The following ANK2 variants were observed in gnomAD, a reference collection of about 807,000 sequenced individuals.
ANK2 encodes the protein ankyrin 2, also known as ankyrin-2.
Under a neutral mutation model 360.5 loss-of-function variants are expected in ANK2, and 83 were observed. That is an observed-to-expected ratio of 0.23 (90% CI 0.19 to 0.28). The LOEUF is 0.28. Among genes scored for constraint, ANK2 ranks in the 10% least tolerant of loss-of-function variants. The pLI, the probability that ANK2 is intolerant of heterozygous loss-of-function variation, is 1.00. For synonymous variants in ANK2, 1,740 were observed against 1,759.5 expected, an observed-to-expected ratio of 0.99 and a Z score of 0.28; for missense variants, 4,201 against 4,795.7, an observed-to-expected ratio of 0.88 and a Z score of 3.66.
At chr4:112,869,086 GGCA>G (rs1424718429) in intron 1 of ANK2, among the ~76,000 whole-genome samples, 1 of 151,720 alleles carries the variant, frequency 6.6e-6, no homozygotes. Flanking sequence ...TAGTTCCCTG[GGCA>G]GCTGGAACTA....
intron 2 of ANK2, among the ~76,000 whole-genome samples, chr4:113,182,030 A>G (rs2098426598): frequency 6.6e-6 from 1 of 152,188 alleles, no homozygotes; most frequent in African/African-American, 2.4e-5. Flanking sequence ...CTTTTGTGAT[A>G]CTTTAGGTGA....
intron 1 of ANK2, among the ~76,000 whole-genome samples, chr4:113,114,666 C>T (rs903342383): frequency 6.6e-6 from 1 of 152,056 alleles, no homozygotes; most frequent in Admixed American, 6.6e-5. Flanking sequence ...TTTGATTTTA[C>T]AAGAGAGTCT....
chr4:113,365,053 G>T lies in ANK2; in HGVS notation c.10903G>T (p.Glu3635Ter), dbSNP rs763711118. 6.2e-7 allele frequency: 1 copy of T among 1,613,832 alleles called. No homozygotes were observed. Among genetic ancestry groups the T allele is most frequent in the Non-Finnish European group, 8.5e-7 (1 of 1,179,820 alleles). ...TAATGTGTCAGATACCAACCTCGTTGAATGTCTCACCAAGATCAACCGAAT... is the reference window on the plus strand; with the variant it reads ...TAATGTGTCAGATACCAACCTCGTTTAATGTCTCACCAAGATCAACCGAAT... ...GKHATDTNLV[E>*]CLTKINRMDI... Residue 3635 changes from glutamate to a stop codon, truncating the protein, a stop_gained, in exon 41 of 46, where the codon GAA (glutamate) becomes TAA (stop). Transcript: ENST00000357077. LOFTEE classifies it high-confidence loss of function.
At chr4:112,839,111 C>G (rs1223745784) in intron 1 of ANK2, among the ~76,000 whole-genome samples, 1 of 152,170 alleles carries the variant, frequency 6.6e-6, no homozygotes, top group Non-Finnish European at 1.5e-5. Flanking sequence ...ATTTTGCACC[C>G]CTCGTTTGGT....
intron 1 of ANK2, among the ~76,000 whole-genome samples, chr4:112,825,532 GATAATACTACCA>G (rs1407172205): frequency 2.0e-5 from 3 of 152,080 alleles, no homozygotes; most frequent in African/African-American, 4.8e-5. Context: ...CACAAGTAAT[GATAATACTACCA>G]ATAATACTAC....
At chr4:113,285,701 A>C (rs944552616) in intron 18 of ANK2, among the ~76,000 whole-genome samples, 5 of 152,092 alleles carry the variant, frequency 3.3e-5, no homozygotes, top group Admixed American at 2.0e-4. Context: ...AAGCTTCATG[A>C]TGTCAGCATT....
chr4:113,367,411 A>C (rs1339551377), intron 41 of ANK2, among the ~76,000 whole-genome samples, 155 bp from the exon 42 acceptor site: 3 of 152,112 alleles, frequency 2.0e-5, no homozygotes, highest in African/African-American at 7.2e-5. Context: ...GAAGGTGGAC[A>C]CAGTGTCTTC....
Position 113,156,371 on chromosome 4 carries a change from C to CTTTTTT in ANK2, c.85-18040_85-18035dup, listed in dbSNP as rs150536846. Reference sequence around the variant, plus strand: ...CGTATAGAGTATATGTAGAAAAATTCTTTTTTTTTTGTTTTTGAGACAGAG... The same window carrying CTTTTTT: ...CGTATAGAGTATATGTAGAAAAATTCTTTTTTTTTTTTTTTTGTTTTTGAGACAGAG... On this transcript the variant is annotated intron_variant, in intron 1 of 45. Transcript: ENST00000357077. 1.0e-4 allele frequency among the ~76,000 whole-genome samples: 13 copies of CTTTTTT among 128,504 alleles called. 1 individual carries two copies. Among genetic ancestry groups the CTTTTTT allele is most frequent in the South Asian group, 4.6e-4 (2 of 4,374 alleles). The allele number at this position is 128,504 out of a possible 152,430, so 84.3% of individuals were successfully genotyped here.
At chr4:113,067,233 A>C (rs952785583) in intron 1 of ANK2, among the ~76,000 whole-genome samples, 16 of 152,134 alleles carry the variant, frequency 1.1e-4, no homozygotes, top group Non-Finnish European at 1.5e-4. Flanking sequence ...ATGATATGGA[A>C]ATGAACTAAG....
At chr4:113,342,746 A>G (rs1050597798) in intron 33 of ANK2, among the ~76,000 whole-genome samples, 1 of 152,188 alleles carries the variant, frequency 6.6e-6, no homozygotes, top group African/African-American at 2.4e-5. Context: ...TTTAGGATTT[A>G]AATGTATTTT....
intron 2 of ANK2, among the ~76,000 whole-genome samples, chr4:113,189,589 T>C (rs2098616357): frequency 6.6e-6 from 1 of 152,254 alleles, no homozygotes; most frequent in East Asian, 1.9e-4. Context: ...CCGAGTTTAG[T>C]ATTTTGTTCA....
At chr4:113,085,226 C>T (rs1343405280) in intron 1 of ANK2, among the ~76,000 whole-genome samples, 3 of 152,196 alleles carry the variant, frequency 2.0e-5, no homozygotes, top group African/African-American at 7.2e-5. Flanking sequence ...TTTGCTGATA[C>T]AGACATATTT....
intron 1 of ANK2, among the ~76,000 whole-genome samples, chr4:113,168,419 C>G (rs1329714163): frequency 6.6e-6 from 1 of 152,150 alleles, no homozygotes; most frequent in African/African-American, 2.4e-5. Flanking sequence ...ACTTTTATGT[C>G]TGAACCAATT....
chr4:112,952,846 A>G (rs1717593064), intron 2 of ANK2, among the ~76,000 whole-genome samples: 2 of 152,260 alleles, frequency 1.3e-5, no homozygotes, highest in African/African-American at 4.8e-5. Context: ...TGTAAGGGGC[A>G]TATTATTATT....
the ANK2 span, among the ~76,000 whole-genome samples, chr4:112,730,374 C>T: frequency 5.3e-5 from 8 of 150,844 alleles, no homozygotes; most frequent in South Asian, 8.4e-4. Context: ...CAGTGGCTCA[C>T]GCCTGTAATC....
rs531184827 is a variant in ANK2 at position 112,855,864 on chromosome 4, C to T, written c.-40+37600C>T. ...TGGATTTGGGCTGCCCACCTTTGGT[C>T]TTTATGTTCCTGCTGTCATTTTAAT... On this transcript the variant is annotated intron_variant, in intron 1 of 30. Transcript: ENST00000503271. 2.1e-4 allele frequency among the ~76,000 whole-genome samples: 32 copies of T among 152,220 alleles called. No individual in the cohort carries two copies. The South Asian group carries it at 4.6e-3, about 22-fold the overall frequency.
chr4:112,913,335 A>G (rs1490041642), intron 2 of ANK2, among the ~76,000 whole-genome samples: 4 of 152,154 alleles, frequency 2.6e-5, no homozygotes, highest in South Asian at 2.1e-4. Context: ...TTCCTGTTGA[A>G]TATGTAAAGT....
chr4:113,123,349 T>C (rs2154372976), intron 1 of ANK2, among the ~76,000 whole-genome samples: 1 of 152,238 alleles, frequency 6.6e-6, no homozygotes, highest in African/African-American at 2.4e-5. Flanking sequence ...TATAGAAAGA[T>C]TTAAGAGTCA....
the ANK2 span, among the ~76,000 whole-genome samples, chr4:112,724,380 A>G: frequency 8.0e-3 from 1,215 of 152,276 alleles, 4 homozygotes; most frequent in Non-Finnish European, 0.013. Context: ...AATCTTGAAA[A>G]TGTGAGATTA....
Sources: gnomAD v4.1 joint callset for allele counts (sites outside exome capture counted in the v4.1 genomes callset) on GRCh38, gnomAD v4.1.1 for gene constraint, MANE v1.5 for transcripts, NCBI Gene and HGNC (gene_info 2026-07-23, HGNC 2026-07-21) for gene names.